The following RIT2 variants were observed in gnomAD, a reference collection of about 807,000 sequenced individuals.
RIT2 encodes the protein GTP-binding protein Rit2.
A neutral mutation model predicts 23.7 loss-of-function variants in RIT2; 24 were observed. The ratio of observed to expected loss-of-function variants is 1.01; its 90% CI spans 0.73 to 1.43. The LOEUF (loss-of-function observed/expected upper bound fraction) is 1.43. Ranked by LOEUF, RIT2 falls within the 40% of genes most tolerant of loss-of-function variation. RIT2 has a pLI of 0.00. For synonymous variants in RIT2, 107 were observed against 91.1 expected, an observed-to-expected ratio of 1.17 and a Z score of -0.99; for missense variants, 236 against 266.9, an observed-to-expected ratio of 0.88 and a Z score of 0.81.
intron 1 of RIT2, among the ~76,000 whole-genome samples, chr18:43,042,427 G>C (rs193107935): frequency 1.4e-3 from 217 of 152,182 alleles, no homozygotes; most frequent in Admixed American, 8.4e-3. Flanking sequence ...TTCAGAGTTT[G>C]TCATACCTTT....
At chr18:42,891,138 G>A (rs1033463633) in intron 4 of RIT2, among the ~76,000 whole-genome samples, 4 of 152,130 alleles carry the variant, frequency 2.6e-5, no homozygotes, top group African/African-American at 9.7e-5. Context: ...TGTAAGGACA[G>A]AGCTGAACAA....
chr18:42,920,624 T>C (rs1909030850), intron 4 of RIT2: 4 of 1,042,012 alleles, frequency 3.8e-6, no homozygotes, highest in Non-Finnish European at 5.7e-6. Context: ...TTTGTTTTTT[T>C]TCTTTTTATC....
At chr18:42,998,940 G>A (rs937006241) in intron 2 of RIT2, among the ~76,000 whole-genome samples, 1 of 152,040 alleles carries the variant, frequency 6.6e-6, no homozygotes, top group African/African-American at 2.4e-5. Context: ...TTACTGCAGG[G>A]AATTTGTTGT....
chr18:43,041,423 G>A (rs547219264), intron 1 of RIT2, among the ~76,000 whole-genome samples: 4 of 152,192 alleles, frequency 2.6e-5, no homozygotes, highest in South Asian at 4.1e-4. Flanking sequence ...ATTACTTAAC[G>A]GTAAGCCCTG....
chr18:42,954,422 C>T (rs1187375002), intron 3 of RIT2, among the ~76,000 whole-genome samples: 3 of 144,956 alleles, frequency 2.1e-5, no homozygotes, highest in Non-Finnish European at 3.0e-5. Flanking sequence ...TTGTGGCAAA[C>T]GTAATTGCTG....
At chr18:42,863,943 G>C (rs184738783) in intron 4 of RIT2, among the ~76,000 whole-genome samples, 21 of 151,956 alleles carry the variant, frequency 1.4e-4, no homozygotes, top group Admixed American at 1.0e-3. Flanking sequence ...CAGGTACTGG[G>C]TCTGTTAAAA....
At chr18:42,755,547 G>A (rs1567988125) in intron 4 of RIT2, among the ~76,000 whole-genome samples, 1 of 151,940 alleles carries the variant, frequency 6.6e-6, no homozygotes, top group Non-Finnish European at 1.5e-5. Context: ...TGATAGGAAG[G>A]GCACTTAATT....
chr18:42,994,302 C>T (rs1328710478), intron 2 of RIT2, among the ~76,000 whole-genome samples: 1 of 152,136 alleles, frequency 6.6e-6, no homozygotes, highest in African/African-American at 2.4e-5. Context: ...CCATCCGTTA[C>T]CTAGCTCGGC....
intron 1 of RIT2, among the ~76,000 whole-genome samples, chr18:43,076,207 T>A (rs1455518022): frequency 2.0e-5 from 3 of 152,210 alleles, no homozygotes; most frequent in Non-Finnish European, 4.4e-5. Flanking sequence ...ACGTTACTAC[T>A]GAAACCTGGA....
At chr18:42,789,199 A>G (rs1412154451) in intron 4 of RIT2, among the ~76,000 whole-genome samples, 1 of 152,190 alleles carries the variant, frequency 6.6e-6, no homozygotes, top group Non-Finnish European at 1.5e-5. Context: ...CTGTAACATC[A>G]GTACAAATGT....
intron 1 of RIT2, among the ~76,000 whole-genome samples, chr18:43,036,770 T>C (rs1305516041): frequency 3.9e-5 from 6 of 152,180 alleles, no homozygotes; most frequent in South Asian, 2.1e-4. Context: ...GAAAGATTGA[T>C]TTGTATAAGT....
chr18:42,870,388 A>C (rs1413073661), intron 4 of RIT2, among the ~76,000 whole-genome samples: 1 of 151,968 alleles, frequency 6.6e-6, no homozygotes, highest in Non-Finnish European at 1.5e-5. Flanking sequence ...CTACAGGTGC[A>C]TGCAACCACG....
At chr18:42,907,166 T>G (rs1455561581) in intron 4 of RIT2, among the ~76,000 whole-genome samples, 1 of 152,208 alleles carries the variant, frequency 6.6e-6, no homozygotes, top group African/African-American at 2.4e-5. Flanking sequence ...ATTAAGTGCA[T>G]AGACTAGTCA....
chr18:43,003,761 GACACACACACACACACACACAC>G (rs56860348), intron 2 of RIT2, among the ~76,000 whole-genome samples: 13 of 129,522 alleles, frequency 1.0e-4, no homozygotes, highest in Non-Finnish European at 1.3e-4. Flanking sequence ...CCTCCTCAGT[GACACACACACACACACACACAC>G]ACACACACAC....
intron 4 of RIT2, among the ~76,000 whole-genome samples, chr18:42,795,354 C>A (rs917086884): frequency 6.6e-6 from 1 of 152,186 alleles, no homozygotes; most frequent in African/African-American, 2.4e-5. Context: ...CAGCCCCGGG[C>A]AATGAGGGAC....
intron 1 of RIT2, among the ~76,000 whole-genome samples, chr18:43,064,350 G>A (rs1912721881): frequency 6.6e-6 from 1 of 152,144 alleles, no homozygotes. Context: ...AGAGAGTTAA[G>A]TACATTTATT....
At chr18:43,084,087 C>T (rs1180842306) in intron 1 of RIT2, among the ~76,000 whole-genome samples, 1 of 152,120 alleles carries the variant, frequency 6.6e-6, no homozygotes, top group African/African-American at 2.4e-5. Flanking sequence ...TATGAACAGA[C>T]ATTTCTCAAA....
chr18:42,876,178 T>C (rs1349140649), intron 4 of RIT2, among the ~76,000 whole-genome samples: 1 of 152,032 alleles, frequency 6.6e-6, no homozygotes, highest in Non-Finnish European at 1.5e-5. Context: ...CTCTAACTTT[T>C]AGTATAGAAA....
At chr18:43,057,043 A>G (rs78745076) in intron 1 of RIT2, among the ~76,000 whole-genome samples, 1,786 of 99,344 alleles carry the variant, frequency 0.018, 25 homozygotes, top group African/African-American at 0.052. Flanking sequence ...AAGTCTAACC[A>G]TTAGTCGGGC....
Sources: allele counts gnomAD v4.1 joint callset (sites outside exome capture counted in the v4.1 genomes callset), GRCh38; gene constraint gnomAD v4.1.1; transcripts MANE v1.5; gene names NCBI Gene and HGNC (gene_info 2026-07-23, HGNC 2026-07-21).